SEC24B: variants seen among roughly 807,000 people sequenced by gnomAD.
SEC24B encodes the protein protein transport protein Sec24B.
A neutral mutation model predicts 142.8 loss-of-function variants in SEC24B; 45 were observed. The ratio of observed to expected loss-of-function variants is 0.32; its 90% CI spans 0.25 to 0.40. The LOEUF (loss-of-function observed/expected upper bound fraction) is 0.40, where lower values mean the gene tolerates loss of function less well. Among genes scored for constraint, SEC24B ranks in the 10% least tolerant of loss-of-function variants. The probability of loss-of-function intolerance (pLI) is 1.00; values close to 1 mark genes in which losing one functional copy is unlikely to be tolerated. For synonymous variants in SEC24B, 574 were observed against 568.2 expected (o/e 1.01, Z -0.15); for missense variants, 1,409 against 1,526.8 (o/e 0.92, Z 1.29).
At chr4:109,455,968 T>C (rs1410366754) in intron 1 of SEC24B, among the ~76,000 whole-genome samples, 2 of 152,186 alleles carry the variant, frequency 1.3e-5, no homozygotes, top group South Asian at 2.1e-4. Flanking sequence ...AAGATCAAAA[T>C]TGAGATAAGT....
At chr4:109,447,290 A>T (rs943324274) in intron 1 of SEC24B, among the ~76,000 whole-genome samples, 3 of 152,066 alleles carry the variant, frequency 2.0e-5, no homozygotes, top group Non-Finnish European at 4.4e-5. Flanking sequence ...TAGTGCTAAA[A>T]TTTTTGGTGG....
intron 2 of SEC24B, among the ~76,000 whole-genome samples, chr4:109,472,350 G>A (rs1033742630): frequency 2.6e-5 from 4 of 152,178 alleles, no homozygotes; most frequent in South Asian, 2.1e-4. Context: ...GAACGATTTT[G>A]CCTTCTAGGA....
chr4:109,441,528 T>G (rs911953150), intron 1 of SEC24B, among the ~76,000 whole-genome samples: 12 of 152,118 alleles, frequency 7.9e-5, no homozygotes, highest in Admixed American at 7.2e-4. Flanking sequence ...CCTCCCCGGG[T>G]TAAGGTGATT....
intron 4 of SEC24B, among the ~76,000 whole-genome samples, chr4:109,486,827 G>T (rs574297777): frequency 2.0e-5 from 3 of 152,234 alleles, no homozygotes; most frequent in African/African-American, 7.2e-5. Context: ...CATCAAATAC[G>T]TATAATATGA....
intron 6 of SEC24B, among the ~76,000 whole-genome samples, chr4:109,495,718 T>G (rs146448518): frequency 6.6e-6 from 1 of 152,196 alleles, no homozygotes. Context: ...TGTCTGCTCG[T>G]GTGACTGGCA....
intron 5 of SEC24B, among the ~76,000 whole-genome samples, chr4:109,491,852 T>C (rs993551089): frequency 2.0e-5 from 3 of 152,140 alleles, no homozygotes; most frequent in Admixed American, 1.3e-4. Flanking sequence ...TGGGGGTAGG[T>C]TTTGGAGACA....
At chr4:109,528,752 A>T (rs573690486) in intron 18 of SEC24B, among the ~76,000 whole-genome samples, 146 of 126,282 alleles carry the variant, frequency 1.2e-3, no homozygotes, top group African/African-American at 3.6e-3. Context: ...ATGAACTTAG[A>T]CATGAAACAA....
chr4:109,474,534 C>G (rs1732892684), intron 3 of SEC24B, among the ~76,000 whole-genome samples: 2 of 151,638 alleles, frequency 1.3e-5, no homozygotes, highest in African/African-American at 4.8e-5. Context: ...CAGCGATTCT[C>G]CTGTCTCAGC....
intron 11 of SEC24B, 27 bp downstream of exon 11, chr4:109,516,667 A>G (rs1318719995): frequency 1.6e-6 from 2 of 1,216,364 alleles, no homozygotes; most frequent in Admixed American, 1.8e-5. Context: ...TTCATACTAT[A>G]CATATGTGTA....
chr4:109,484,426 T>C (rs1388261197), intron 4 of SEC24B, among the ~76,000 whole-genome samples: 2 of 152,232 alleles, frequency 1.3e-5, no homozygotes, highest in Non-Finnish European at 2.9e-5. Flanking sequence ...TAAGGTGGTA[T>C]CTGCCAGGTT....
chr4:109,521,079 G>C, intron 12 of SEC24B, 38 bp from the exon 13 acceptor site: 1 of 1,262,500 alleles, frequency 7.9e-7, no homozygotes, highest in South Asian at 1.2e-5. Context: ...GTATTCTTTT[G>C]TTCGATTTGT....
chr4:109,494,898 A>C, intron 6 of SEC24B, 42 bp downstream of exon 6: 1 of 1,599,970 alleles, frequency 6.3e-7, no homozygotes, highest in Non-Finnish European at 8.6e-7. Context: ...CAGTTATAAA[A>C]CTTAATTCTG....
intron 6 of SEC24B, among the ~76,000 whole-genome samples, chr4:109,497,585 T>C (rs1735665179): frequency 6.6e-6 from 1 of 151,492 alleles, no homozygotes; most frequent in Admixed American, 6.6e-5. Context: ...ATTGGAAGCA[T>C]ACCATATGTA....
intron 11 of SEC24B, among the ~76,000 whole-genome samples, chr4:109,517,528 C>A (rs923079038): frequency 6.6e-6 from 1 of 151,966 alleles, no homozygotes; most frequent in Non-Finnish European, 1.5e-5. Context: ...TGTTGTACAA[C>A]GTGATGACTA....
At chr4:109,520,624 G>T in intron 12 of SEC24B, 140 bp downstream of exon 12, 1 of 661,886 alleles carries the variant, frequency 1.5e-6, no homozygotes, top group Non-Finnish European at 2.7e-6. Flanking sequence ...TGTTTTTCTG[G>T]AAATACTTGA....
intron 1 of SEC24B, among the ~76,000 whole-genome samples, chr4:109,436,743 T>G (rs949236297): frequency 1.3e-5 from 2 of 152,208 alleles, no homozygotes; most frequent in African/African-American, 4.8e-5. Flanking sequence ...CATCATCCCC[T>G]TTGAAGGGGA....
At chr4:109,458,104 T>C (rs1458900102) in intron 1 of SEC24B, among the ~76,000 whole-genome samples, 2 of 152,144 alleles carry the variant, frequency 1.3e-5, no homozygotes, top group Non-Finnish European at 2.9e-5. Context: ...CCTTTTTTTT[T>C]TCTCTATGTT....
chr4:109,530,895 CAAA>C (rs35997146), intron 19 of SEC24B, among the ~76,000 whole-genome samples: 8 of 46,340 alleles, frequency 1.7e-4, no homozygotes, highest in Non-Finnish European at 2.7e-4. Flanking sequence ...GACTCCGTCT[CAAA>C]AAAAAAAAAA....
At chr4:109,434,802 A>G (rs1398408564) in intron 1 of SEC24B, among the ~76,000 whole-genome samples, 3 of 152,216 alleles carry the variant, frequency 2.0e-5, no homozygotes, top group Non-Finnish European at 2.9e-5. Context: ...GCTTTGAGGC[A>G]GGGCCTTCAT....
Sources: gnomAD v4.1 joint callset for allele counts (sites outside exome capture counted in the v4.1 genomes callset) on GRCh38, gnomAD v4.1.1 for gene constraint, MANE v1.5 for transcripts, NCBI Gene and HGNC (gene_info 2026-07-23, HGNC 2026-07-21) for gene names.